Variants in NTM observed in about 807,000 individuals in gnomAD.
NTM encodes the protein IgLON family member 2.
In NTM, 13 loss-of-function variants were observed where a neutral mutation model predicts 42.1. The observed-to-expected ratio is 0.31, with a 90% CI of 0.20 to 0.49. The LOEUF (loss-of-function observed/expected upper bound fraction) is 0.49. Ranked by LOEUF, NTM falls within the 20% of genes least tolerant of loss-of-function variation. The probability of loss-of-function intolerance (pLI) is 0.99; values close to 1 mark genes in which losing one functional copy is unlikely to be tolerated. For synonymous variants in NTM, 187 were observed against 179.2 expected, an observed-to-expected ratio of 1.04 and a Z score of -0.35; for missense variants, 373 against 452.8, an observed-to-expected ratio of 0.82 and a Z score of 1.60.
At chr11:132,009,129 T>TTTAC (rs2071500278) in intron 2 of NTM, among the ~76,000 whole-genome samples, 1 of 152,124 alleles carries the variant, frequency 6.6e-6, no homozygotes, top group African/African-American at 2.4e-5. Context: ...CTGGCAGAAG[T>TTTAC]CTCCCTGTCT....
chr11:131,576,910 C>A (rs1175674966), intron 1 of NTM, among the ~76,000 whole-genome samples: 3 of 152,142 alleles, frequency 2.0e-5, no homozygotes, highest in Non-Finnish European at 4.4e-5. Context: ...ATGGTTATTG[C>A]AAGATTAAAT....
chr11:131,934,599 CAT>C (rs923885534), intron 2 of NTM, among the ~76,000 whole-genome samples: 4 of 152,176 alleles, frequency 2.6e-5, no homozygotes, highest in African/African-American at 9.7e-5. Flanking sequence ...AACAAGGTAA[CAT>C]ATACAAACAT....
intron 1 of NTM, among the ~76,000 whole-genome samples, chr11:131,508,812 A>C (rs2047849661): frequency 6.8e-6 from 1 of 148,134 alleles, no homozygotes; most frequent in South Asian, 2.2e-4. Flanking sequence ...GCATATTCTC[A>C]CTCATAGGTG....
At chr11:131,922,098 T>C (rs2057309042) in intron 2 of NTM, 1 of 152,626 alleles carries the variant, frequency 6.6e-6, no homozygotes, top group Non-Finnish European at 1.5e-5. Flanking sequence ...ACTCGGCTGT[T>C]CCCTGGATTA....
intron 2 of NTM, among the ~76,000 whole-genome samples, chr11:132,072,898 C>T (rs2057887128): frequency 6.6e-6 from 1 of 152,078 alleles, no homozygotes; most frequent in Admixed American, 6.6e-5. Flanking sequence ...GGGGTTTTCT[C>T]CTGGGAACTC....
rs1955242625 is a variant in NTM at position 131,495,478 on chromosome 11, C to T, written c.82+124590C>T. Among the ~76,000 whole-genome samples the T allele has an allele frequency of 2.6e-5, 4 of 152,250 alleles. No homozygotes were observed. In the South Asian group the frequency reaches 8.3e-4, roughly 31 times the overall value. ...GTGCTGCGGTGGGGCTTGCTTTTGC[C>T]TCTCTGCCCCACTAACTTTCCTCTC... On this transcript the variant is annotated intron_variant, in intron 1 of 8. Coordinates refer to ENST00000683400, the MANE Select transcript of NTM (RefSeq NM_001352005.2).
chr11:132,333,216 T>C (rs1442929838), intron 8 of NTM, among the ~76,000 whole-genome samples: 1 of 152,160 alleles, frequency 6.6e-6, no homozygotes, highest in African/African-American at 2.4e-5. Context: ...AAAGGCCTGC[T>C]GGGCCATATG....
chr11:132,171,333 C>T (rs1019132803), intron 3 of NTM, among the ~76,000 whole-genome samples: 1 of 152,178 alleles, frequency 6.6e-6, no homozygotes, highest in Non-Finnish European at 1.5e-5. Flanking sequence ...TTATTAAGAA[C>T]AGAAATTTAT....
chr11:131,672,438 G>A (rs1330914942), intron 1 of NTM, among the ~76,000 whole-genome samples: 2 of 152,182 alleles, frequency 1.3e-5, no homozygotes, highest in African/African-American at 4.8e-5. Context: ...AGCGCTGTGT[G>A]GCTCTGCAGC....
chr11:132,121,435 G>C (rs1025058546), intron 2 of NTM, among the ~76,000 whole-genome samples: 3 of 152,124 alleles, frequency 2.0e-5, no homozygotes, highest in African/African-American at 7.2e-5. Flanking sequence ...ACAGAGGCGT[G>C]ATGAAATGCA....
intron 3 of NTM, among the ~76,000 whole-genome samples, chr11:132,173,398 C>T (rs4448688): frequency 0.63 from 95,631 of 152,036 alleles, 30,518 homozygotes; most frequent in African/African-American, 0.65. Context: ...TGGCTCTGAA[C>T]GTCATGCTTT....
intron 4 of NTM, among the ~76,000 whole-genome samples, chr11:132,285,637 C>T (rs562085998): frequency 1.3e-5 from 2 of 152,292 alleles, no homozygotes; most frequent in Middle Eastern, 6.8e-3. Flanking sequence ...ATATTCACAG[C>T]GGTTCCCCAG....
At chr11:131,830,787 C>T (rs1256436098) in intron 1 of NTM, among the ~76,000 whole-genome samples, 3 of 152,152 alleles carry the variant, frequency 2.0e-5, no homozygotes, top group Admixed American at 2.0e-4. Context: ...AATATCGATT[C>T]TTCCAATCTG....
intron 1 of NTM, among the ~76,000 whole-genome samples, chr11:131,561,282 A>G (rs1350012371): frequency 6.6e-6 from 1 of 152,238 alleles, no homozygotes; most frequent in Non-Finnish European, 1.5e-5. Flanking sequence ...AGAATCCCAG[A>G]TAATGGATAT....
At chr11:131,531,633 C>T (rs368168110) in intron 1 of NTM, among the ~76,000 whole-genome samples, 4 of 152,208 alleles carry the variant, frequency 2.6e-5, no homozygotes, top group African/African-American at 9.7e-5. Flanking sequence ...TAAAATAAAA[C>T]TAAACATAAG....
chr11:131,865,058 A>G (rs1246411729), intron 1 of NTM, among the ~76,000 whole-genome samples: 1 of 152,238 alleles, frequency 6.6e-6, no homozygotes, highest in East Asian at 1.9e-4. Context: ...CAAGTTGCCC[A>G]GTCTTTGTTA....
At chr11:131,498,495 C>T (rs1440492035) in intron 1 of NTM, among the ~76,000 whole-genome samples, 1 of 152,132 alleles carries the variant, frequency 6.6e-6, no homozygotes, top group Non-Finnish European at 1.5e-5. Context: ...CTGACCTCTA[C>T]TCTTGCCTAT....
chr11:131,706,816 C>G (rs1464238604), intron 1 of NTM, among the ~76,000 whole-genome samples: 1 of 151,928 alleles, frequency 6.6e-6, no homozygotes, highest in Non-Finnish European at 1.5e-5. Flanking sequence ...TACCAAAACA[C>G]ATAGCATGCA....
At chr11:132,000,300 G>A (rs933668100) in intron 2 of NTM, among the ~76,000 whole-genome samples, 2 of 152,150 alleles carry the variant, frequency 1.3e-5, no homozygotes, top group Non-Finnish European at 2.9e-5. Flanking sequence ...AATCCTTGGG[G>A]GAGTTCTGTG....
Sources: gnomAD v4.1 joint callset for allele counts (sites outside exome capture counted in the v4.1 genomes callset) on GRCh38, gnomAD v4.1.1 for gene constraint, MANE v1.5 for transcripts, NCBI Gene and HGNC (gene_info 2026-07-23, HGNC 2026-07-21) for gene names.